BMPR1B: variants seen among roughly 807,000 people sequenced by gnomAD.
The protein encoded by BMPR1B is bone morphogenetic protein receptor type 1B.
BMPR1B carries 12 observed loss-of-function variants against 59.1 expected under a neutral mutation model. The ratio of observed to expected loss-of-function variants is 0.20; its 90% CI spans 0.13 to 0.33. The LOEUF is 0.33. BMPR1B is among the 10% of genes least tolerant of loss of function. The probability of loss-of-function intolerance (pLI) is 1.00; values close to 1 mark genes in which losing one functional copy is unlikely to be tolerated. For missense variants in BMPR1B, 550 were observed against 610.9 expected (o/e 0.90, Z 1.05); for synonymous variants, 237 against 207.3 (o/e 1.14, Z -1.23).
chr4:94,816,544 C>T (rs920830404), intron 1 of BMPR1B, among the ~76,000 whole-genome samples: 1 of 152,064 alleles, frequency 6.6e-6, no homozygotes, highest in Non-Finnish European at 1.5e-5. Flanking sequence ...ATGTGAAGTA[C>T]GGATCTAAAT....
At position 95,023,444 on chromosome 4, in the gene BMPR1B, C is replaced by T. The variant is rs868518129; in HGVS notation, c.-18+27310C>T. On this transcript the variant is annotated intron_variant, in intron 3 of 12. Coordinates refer to ENST00000515059, the MANE Select transcript of BMPR1B (RefSeq NM_001203.3). ...TCATCCAGCCTAGAGTGCAGTAGCT[C>T]GTTCATGGGTCACTGCAGCCTGAAA... 3.3e-5 allele frequency among the ~76,000 whole-genome samples: 5 copies of T among 152,202 alleles called. No individual in the cohort carries two copies. In the East Asian group the frequency reaches 7.7e-4, roughly 24 times the overall value.
intron 3 of BMPR1B, among the ~76,000 whole-genome samples, chr4:95,035,727 T>A (rs1201838655): frequency 6.6e-6 from 1 of 152,184 alleles, no homozygotes; most frequent in Non-Finnish European, 1.5e-5. Context: ...CCCTCCAGAT[T>A]TGTTCTTTTT....
intron 1 of BMPR1B, among the ~76,000 whole-genome samples, chr4:94,796,432 A>C (rs1723197508): frequency 6.6e-6 from 1 of 152,204 alleles, no homozygotes; most frequent in Non-Finnish European, 1.5e-5. Context: ...GATGTTTCTG[A>C]ATAGCATGGA....
intron 3 of BMPR1B, among the ~76,000 whole-genome samples, chr4:95,002,768 C>T (rs1578909050): frequency 6.6e-6 from 1 of 152,116 alleles, no homozygotes; most frequent in African/African-American, 2.4e-5. Flanking sequence ...TAATACCTTT[C>T]ACTTTAAATA....
chr4:95,091,276 T>TG (rs1471227537), intron 3 of BMPR1B, among the ~76,000 whole-genome samples: 2 of 144,984 alleles, frequency 1.4e-5, no homozygotes, highest in African/African-American at 2.6e-5. Context: ...TTTTCTTTTT[T>TG]TTTTGTTTTG....
At chr4:95,029,774 C>T (rs1724691895) in intron 3 of BMPR1B, among the ~76,000 whole-genome samples, 1 of 152,134 alleles carries the variant, frequency 6.6e-6, no homozygotes, top group East Asian at 1.9e-4. Context: ...TCTCCAGCAC[C>T]TGTTGTGTCC....
chr4:95,001,165 C>A (rs1287048230), intron 3 of BMPR1B, among the ~76,000 whole-genome samples: 2 of 152,094 alleles, frequency 1.3e-5, no homozygotes, highest in Non-Finnish European at 2.9e-5. Flanking sequence ...CATATGTATA[C>A]ATGTGCTATG....
At chr4:95,021,852 T>C (rs910067122) in intron 3 of BMPR1B, among the ~76,000 whole-genome samples, 4 of 152,230 alleles carry the variant, frequency 2.6e-5, no homozygotes, top group Non-Finnish European at 5.9e-5. Context: ...TGAACTGGTC[T>C]ATTCTCATGT....
chr4:95,006,992 A>T (rs1722888899), intron 3 of BMPR1B, among the ~76,000 whole-genome samples: 1 of 152,198 alleles, frequency 6.6e-6, no homozygotes, highest in Non-Finnish European at 1.5e-5. Flanking sequence ...CAAATCAGAG[A>T]GCAGCAACTC....
chr4:95,053,925 TAACATCC>T, intron 3 of BMPR1B, among the ~76,000 whole-genome samples: 1 of 152,312 alleles, frequency 6.6e-6, no homozygotes, highest in East Asian at 1.9e-4. Flanking sequence ...TGACAACATC[TAACATCC>T]TTTACAATTA....
chr4:94,939,026 A>G (rs372288680), intron 2 of BMPR1B, among the ~76,000 whole-genome samples: 1 of 152,232 alleles, frequency 6.6e-6, no homozygotes, highest in Non-Finnish European at 1.5e-5. Flanking sequence ...AAAATAAACA[A>G]ATAAAAGAAA....
chr4:94,902,249 C>CAGAGAGAG (rs142124519), intron 2 of BMPR1B, among the ~76,000 whole-genome samples: 1 of 69,032 alleles, frequency 1.4e-5, no homozygotes, highest in South Asian at 7.2e-4. Flanking sequence ...CACACACACA[C>CAGAGAGAG]AGAGAGAGAG....
chr4:95,005,310 G>A (rs1202085300), intron 3 of BMPR1B, among the ~76,000 whole-genome samples: 1 of 152,034 alleles, frequency 6.6e-6, no homozygotes, highest in African/African-American at 2.4e-5. Flanking sequence ...CTGTTTATTA[G>A]CTGTGTATTG....
rs545523710 is a variant in BMPR1B, at chr4:95,141,064, A to G, written c.1077-7684A>G. On this transcript the variant is annotated intron_variant, in intron 10 of 12. Transcript: ENST00000515059. ...TCAGATGTTGGCTGTGCAGACTCCTATGGCCATAGCCTAGCTGTGTGAGGC... is the reference window on the plus strand; with the variant it reads ...TCAGATGTTGGCTGTGCAGACTCCTGTGGCCATAGCCTAGCTGTGTGAGGC... Among the ~76,000 whole-genome samples the G allele has an allele frequency of 1.4e-4, 21 of 152,344 alleles. 1 individual carries two copies. In the South Asian group the frequency reaches 1.4e-3, roughly 11 times the overall value.
intron 2 of BMPR1B, among the ~76,000 whole-genome samples, chr4:94,896,518 G>A (rs1305420318): frequency 6.6e-6 from 1 of 151,798 alleles, no homozygotes; most frequent in Non-Finnish European, 1.5e-5. Flanking sequence ...TTAATGCTGG[G>A]AACTTCTCAA....
intron 1 of BMPR1B, among the ~76,000 whole-genome samples, chr4:94,859,712 C>G (rs1232871352): frequency 6.7e-6 from 1 of 150,024 alleles, no homozygotes; most frequent in East Asian, 1.9e-4. Flanking sequence ...TGTGACAAGA[C>G]TTAAAAAAAA....
chr4:94,937,729 C>T (rs201356010), intron 2 of BMPR1B, among the ~76,000 whole-genome samples: 1 of 113,326 alleles, frequency 8.8e-6, no homozygotes, highest in East Asian at 2.4e-4. Flanking sequence ...GACACACACA[C>T]ACACACACAG....
intron 2 of BMPR1B, among the ~76,000 whole-genome samples, chr4:94,896,791 G>A (rs555281417): frequency 2.6e-5 from 4 of 151,940 alleles, no homozygotes; most frequent in Non-Finnish European, 5.9e-5. Context: ...TTTAGAAAAT[G>A]ATTAAGTGCC....
chr4:94,929,203 G>C (rs971082016), intron 2 of BMPR1B, among the ~76,000 whole-genome samples: 1 of 152,046 alleles, frequency 6.6e-6, no homozygotes, highest in Non-Finnish European at 1.5e-5. Flanking sequence ...AGTCAAAGCC[G>C]TCGTTAAACA....
Sources: allele counts gnomAD v4.1 joint callset (sites outside exome capture counted in the v4.1 genomes callset), GRCh38; gene constraint gnomAD v4.1.1; transcripts MANE v1.5; gene names NCBI Gene and HGNC (gene_info 2026-07-23, HGNC 2026-07-21).